DENND4B: variants seen among roughly 807,000 people sequenced by gnomAD.
DENND4B encodes the protein DENN domain-containing protein 4B.
DENND4B carries 67 observed loss-of-function variants against 161.0 expected under a neutral mutation model. The ratio of observed to expected loss-of-function variants is 0.42; its 90% CI spans 0.34 to 0.51. DENND4B has a LOEUF of 0.51. Among genes scored for constraint, DENND4B ranks in the 20% least tolerant of loss-of-function variants. The pLI, the probability that DENND4B is intolerant of heterozygous loss-of-function variation, is 0.08. For synonymous variants in DENND4B, 753 were observed against 813.8 expected, an observed-to-expected ratio of 0.93 and a Z score of 1.27; for missense variants, 1,481 against 1,968.0, an observed-to-expected ratio of 0.75 and a Z score of 4.68.
In DENND4B at chr1:153,930,423, G is replaced by C; in HGVS notation, c.4365C>G (p.Tyr1455Ter). Reference protein sequence around the residue: ...HVDIVAFDKKYKSAFNKLASS... With the variant: ...HVDIVAFDKK ...TGGCCAGCTTGTTAAAGGCAGACTT[G>C]TACTTCTTATCGAAGGCCACTAGGG... Residue 1455 changes from tyrosine (Y) to a stop codon, truncating the protein, a stop_gained, in exon 28 of 28, where the codon TAC becomes TAG. Transcript: ENST00000361217. LOFTEE classifies it high-confidence loss of function. This position sits in a 1 kb window ranked among gnomAD's most constrained non-coding sequence, Gnocchi z 4.7. The C allele has an allele frequency of 6.2e-7, 1 of 1,613,948 alleles. No individual in the cohort carries two copies. The highest frequency in any genetic ancestry group is 1.1e-5 in the South Asian group (1 of 91,080).
chr1:153,943,111 C>G lies in DENND4B; in HGVS notation c.337G>C (p.Glu113Gln). 2 of 1,613,328 alleles carry G rather than the reference C, an allele frequency of 1.2e-6. No homozygotes were observed. The highest frequency in any genetic ancestry group is 1.7e-6 in the Non-Finnish European group (2 of 1,179,484). Residue 113 changes from glutamate to glutamine, a missense_variant, in exon 3 of 28, where the codon GAA (glutamate) becomes CAA (glutamine). Physicochemically the swap from Glu to Gln is conservative, Grantham distance 29. This residue lies in a region of DENND4B where 806 missense variants were observed against 1,134.4 expected (regional missense o/e 0.71). Coordinates refer to ENST00000361217, the MANE Select transcript of DENND4B (RefSeq NM_014856.3). The part of the protein sequence containing the change: ...VELGVLYEGK[E>Q]RPKPGFQVLD... ...ACTTGGAAGCCAGGCTTGGGACGTTCCTTCCCCTCATACAACACCCTTGGC... is the reference window on the plus strand; with the variant it reads ...ACTTGGAAGCCAGGCTTGGGACGTTGCTTCCCCTCATACAACACCCTTGGC...
At chr1:153,935,959 CAG>C (rs1273127547) in intron 17 of DENND4B, 99 bp downstream of exon 17, 2 of 1,456,858 alleles carry the variant, frequency 1.4e-6, no homozygotes, top group Non-Finnish European at 1.9e-6. Flanking sequence ...CCTAGGCAAA[CAG>C]TACCAGCCCA....
At position 153,933,141 on chromosome 1, in the gene DENND4B, GGTGA is replaced by G. The variant is rs914577201; in HGVS notation, c.3453+52_3453+55del. 16 of 1,611,832 alleles carry G rather than the reference GGTGA, an allele frequency of 9.9e-6. No homozygotes were observed. Among genetic ancestry groups the G allele is most frequent in the African/African-American group, 1.3e-5 (1 of 74,892 alleles). ...CCTCCCCATCTCCTGCCTTGGACAG[GGTGA>G]GTGTGTGCTATGTGTGTTCAAGCAC... On this transcript the variant is annotated intron_variant, in intron 21 of 27. Coordinates refer to ENST00000361217, the MANE Select transcript of DENND4B (RefSeq NM_014856.3). This position sits in a 1 kb window ranked among gnomAD's most constrained non-coding sequence, Gnocchi z 5.7.
chr1:153,944,353 G>C lies in DENND4B; in HGVS notation c.22C>G (p.Arg8Gly), dbSNP rs773645375. 1.9e-5 allele frequency: 30 copies of C among 1,599,068 alleles called. No individual in the cohort carries two copies. The highest frequency in any genetic ancestry group is 2.6e-5 in the Non-Finnish European group (30 of 1,173,106). MAEERPPRLVDYFVVAGL... is the reference protein window; with the variant it reads MAEERPPGLVDYFVVAGL... ...GCTACCACGAAGTAATCCACCAGCC[G>C]GGGGGGCCGCTCCTCCGCCATGGCC... Residue 8 changes from arginine (R) to glycine (G), a missense_variant, in exon 2 of 28, where the codon CGG becomes GGG. Arg to Gly is a moderately radical substitution (Grantham distance 125). Around this residue, in one of 3 missense-constraint regions of DENND4B, gnomAD observed 806 missense variants for 1,134.4 expected, o/e 0.71. Transcript: ENST00000361217. The surrounding 1 kb of genome is among the most constrained non-coding windows in gnomAD (Gnocchi z 4.8).
chr1:153,934,021 C>T lies in DENND4B; in HGVS notation c.2941+114G>A. The stretch of plus-strand genomic sequence containing the variant: ...CTGGGCGAGATTCCCTCAGAATCTA[C>T]AGCACCCACCACAGAGGGCCGCCCT... On this transcript the variant is annotated intron_variant, in intron 19 of 27. Transcript: ENST00000361217. The surrounding 1 kb of genome is among the most constrained non-coding windows in gnomAD (Gnocchi z 5.3). The T allele has an allele frequency of 6.1e-6, 9 of 1,466,028 alleles. No homozygotes were observed. Among genetic ancestry groups the T allele is most frequent in the African/African-American group, 2.9e-5 (2 of 69,894 alleles). The allele number at this position is 1,466,028 out of a possible 1,614,324, so 90.8% of individuals were successfully genotyped here.
rs1019544432 is a variant in DENND4B, at chr1:153,929,909, C to T, written c.*388G>A. 5.7e-6 allele frequency: 1 copy of T among 174,692 alleles called. No homozygotes were observed. Among genetic ancestry groups the T allele is most frequent in the Non-Finnish European group, 1.2e-5 (1 of 82,764 alleles). 10.8% of individuals were successfully genotyped at this position (174,692 alleles called of 1,614,324 possible). On this transcript the variant is annotated 3_prime_UTR_variant, in exon 28 of 28. Coordinates refer to ENST00000361217, the MANE Select transcript of DENND4B (RefSeq NM_014856.3). ...TATTGGTGGAGAATGACATCCCTACCTCCCATTCAGGGCAAAGGCTCAGTA... is the reference window on the plus strand; with the variant it reads ...TATTGGTGGAGAATGACATCCCTACTTCCCATTCAGGGCAAAGGCTCAGTA...
At chr1:153,939,491 T>C (rs919252995) in intron 12 of DENND4B, 98 bp downstream of exon 12, 2 of 1,323,256 alleles carry the variant, frequency 1.5e-6, no homozygotes, top group African/African-American at 1.5e-5. Flanking sequence ...GAATAAACAA[T>C]GGAGTGGCTC....
chr1:153,946,523 G>C lies in DENND4B; in HGVS notation c.-246C>G, dbSNP rs867533351. ...GCGGTCCCCGCGTCCCCGCCGCGCT[G>C]CGCCACGCGGGGACTGTGCTGCCGC... On this transcript the variant is annotated 5_prime_UTR_variant, in exon 1 of 28. Coordinates refer to ENST00000361217, the MANE Select transcript of DENND4B (RefSeq NM_014856.3). The surrounding 1 kb of genome is among the most constrained non-coding windows in gnomAD (Gnocchi z 6.3). 2.6e-6 allele frequency: 1 copy of C among 390,084 alleles called. No individual in the cohort carries two copies. Among genetic ancestry groups the C allele is most frequent in the African/African-American group, 2.1e-5 (1 of 48,332 alleles). 24.2% of individuals were successfully genotyped at this position (390,084 alleles called of 1,614,324 possible).
rs1211491504 is a variant in DENND4B, at chr1:153,945,137, G to A, written c.-23-740C>T. 9.3e-6 allele frequency: 12 copies of A among 1,289,538 alleles called. No homozygotes were observed. The East Asian group carries it at 6.1e-4, about 66-fold the overall frequency. The allele number at this position is 1,289,538 out of a possible 1,614,324, so 79.9% of individuals were successfully genotyped here. On this transcript the variant is annotated intron_variant, in intron 1 of 27. Transcript: ENST00000361217. ...GCCCACAACAGCCTAGTTCTCACCT[G>A]CCTCCATGGCCCAACCCCGGGGAGT...
rs1679177854 is a variant in DENND4B at position 153,934,253 on chromosome 1, A to C, written c.2823T>G (p.Thr941=). The change falls in exon 19 of 28, where the codon ACT becomes ACG. Residue 941 remains threonine, a synonymous_variant. Coordinates refer to ENST00000361217, the MANE Select transcript of DENND4B (RefSeq NM_014856.3). The surrounding 1 kb of genome is among the most constrained non-coding windows in gnomAD (Gnocchi z 5.3). The part of the protein sequence containing the change: ...PSPTRPLQRQ[T]TWAGRSLRDP... ...CTCTCAGACTTCGCCCAGCCCAAGT[A>C]GTCTGGCGCTGAAGAGGGCGAGTAG... 6.3e-7 allele frequency: 1 copy of C among 1,597,752 alleles called. No individual in the cohort carries two copies. Among genetic ancestry groups the C allele is most frequent in the Non-Finnish European group, 8.5e-7 (1 of 1,173,410 alleles).
In DENND4B at chr1:153,942,428, G is replaced by T; in HGVS notation, c.641-72C>A. 1 of 1,580,492 alleles carries T rather than the reference G, an allele frequency of 6.3e-7. No individual in the cohort carries two copies. Among genetic ancestry groups the T allele is most frequent in the East Asian group, 2.3e-5 (1 of 43,234 alleles). ...TCAGACTCCAAGGGAAATGAACCAA[G>T]GGATCCCAGAGAAGGCCCGAGTAGC... On this transcript the variant is annotated intron_variant, in intron 4 of 27. Coordinates refer to ENST00000361217, the MANE Select transcript of DENND4B (RefSeq NM_014856.3). This position sits in a 1 kb window ranked among gnomAD's most constrained non-coding sequence, Gnocchi z 6.9.
rs757751473 is a variant in DENND4B, at chr1:153,934,968, C to T, written c.2569-4G>A. 1 of 1,610,072 alleles carries T rather than the reference C, an allele frequency of 6.2e-7. No homozygotes were observed. Among genetic ancestry groups the T allele is most frequent in the Non-Finnish European group, 8.5e-7 (1 of 1,179,812 alleles). On this transcript the variant is annotated splice_polypyrimidine_tract_variant and splice_region_variant and intron_variant, in intron 17 of 27. Coordinates refer to ENST00000361217, the MANE Select transcript of DENND4B (RefSeq NM_014856.3). This position sits in a 1 kb window ranked among gnomAD's most constrained non-coding sequence, Gnocchi z 5.3. ...GCCACTTGCTTTCCAACACAGCCTA[C>T]CAAGCACAGTGCCCATCAGGATGGC...
intron 11 of DENND4B, 31 bp from the exon 12 acceptor site, chr1:153,939,835 C>T (rs1679565875): frequency 3.7e-6 from 6 of 1,605,568 alleles, no homozygotes; most frequent in Non-Finnish European, 5.1e-6. Flanking sequence ...AGAGTCAGGG[C>T]TGGCTCCCAT....
chr1:153,943,914 C>T lies in DENND4B; in HGVS notation c.317+144G>A, dbSNP rs1380922414. The T allele has an allele frequency of 1.0e-5, 9 of 889,718 alleles. 1 individual carries two copies. The Middle Eastern group carries it at 1.4e-3, about 137-fold the overall frequency. The allele number at this position is 889,718 out of a possible 1,614,324, so 55.1% of individuals were successfully genotyped here. On this transcript the variant is annotated intron_variant, in intron 2 of 27. Transcript: ENST00000361217. ...CGCATCTGTAAGGACTAAGTACATA[C>T]AACTTCAGTCCTTCCTTCCTGGCCC...
chr1:153,941,773 C>CGGGGGGGGG, intron 6 of DENND4B, 96 bp downstream of exon 6: 22 of 1,426,284 alleles, frequency 1.5e-5, no homozygotes, highest in Non-Finnish European at 1.7e-5. Flanking sequence ...ACCCTGTGCC[C>CGGGGGGGGG]AGCCCTCCCC....
chr1:153,942,278 A>G lies in DENND4B; in HGVS notation c.719T>C (p.Met240Thr), dbSNP rs777483981. 6.2e-7 allele frequency: 1 copy of G among 1,613,856 alleles called. No homozygotes were observed. Among genetic ancestry groups the G allele is most frequent in the Non-Finnish European group, 8.5e-7 (1 of 1,179,860 alleles). Reference protein sequence around the residue: ...PESVPVFCLPMGATIECWPAQ... With the variant: ...PESVPVFCLPTGATIECWPAQ... ...AGGCCAGCACTCGATAGTGGCCCCC[A>G]TGGGCAGGCAGAAGACGGGCACTGA... Residue 240 changes from methionine to threonine, a missense_variant, in exon 5 of 28, where the codon ATG becomes ACG. Physicochemically the swap from Met to Thr is moderately conservative, Grantham distance 81. Coordinates refer to ENST00000361217, the MANE Select transcript of DENND4B (RefSeq NM_014856.3). The surrounding 1 kb of genome is among the most constrained non-coding windows in gnomAD (Gnocchi z 6.9).
chr1:153,941,773 C>CTGGG, intron 6 of DENND4B, 96 bp downstream of exon 6: 13 of 1,426,302 alleles, frequency 9.1e-6, no homozygotes, highest in East Asian at 4.9e-5. Flanking sequence ...ACCCTGTGCC[C>CTGGG]AGCCCTCCCC....
chr1:153,939,145 G>A, intron 12 of DENND4B, 100 bp from the exon 13 acceptor site: 4 of 1,426,502 alleles, frequency 2.8e-6, no homozygotes, highest in South Asian at 1.3e-5. Context: ...GCCCACTCAG[G>A]CCCAAAGCCA....
chr1:153,934,025 A>C lies in DENND4B; in HGVS notation c.2941+110T>G. ...GCGAGATTCCCTCAGAATCTACAGC[A>C]CCCACCACAGAGGGCCGCCCTCCAC... On this transcript the variant is annotated intron_variant, in intron 19 of 27. Coordinates refer to ENST00000361217, the MANE Select transcript of DENND4B (RefSeq NM_014856.3). This position sits in a 1 kb window ranked among gnomAD's most constrained non-coding sequence, Gnocchi z 5.3. The C allele has an allele frequency of 1.4e-6, 2 of 1,466,724 alleles. No homozygotes were observed. The highest frequency in any genetic ancestry group is 2.5e-5 in the East Asian group (1 of 40,286). 90.9% of individuals were successfully genotyped at this position (1,466,724 alleles called of 1,614,324 possible). A position where few individuals can be genotyped will look rare whatever the true frequency, so the allele number is the denominator to read the frequency against.
Sources: allele counts gnomAD v4.1 joint callset, GRCh38; gene constraint gnomAD v4.1.1; regional missense constraint gnomAD v4.1.1; non-coding constraint Gnocchi (gnomAD v3.1); transcripts MANE v1.5; gene names NCBI Gene and HGNC (gene_info 2026-07-23, HGNC 2026-07-21).